The following MITF variants were observed in gnomAD, a reference collection of about 807,000 sequenced individuals.
MITF encodes the protein microphthalmia-associated transcription factor.
A neutral mutation model predicts 60.5 loss-of-function variants in MITF; 17 were observed. That is an observed-to-expected ratio of 0.28 (90% CI 0.19 to 0.42). MITF has a LOEUF of 0.42. Ranked by LOEUF, MITF falls within the 10% of genes least tolerant of loss-of-function variation. MITF has a pLI of 1.00. For synonymous variants in MITF, 260 were observed against 248.5 expected, an observed-to-expected ratio of 1.05 and a Z score of -0.43; for missense variants, 622 against 683.5, an observed-to-expected ratio of 0.91 and a Z score of 1.00.
chr3:69,849,030 T>C (rs2063780566), intron 1 of MITF, among the ~76,000 whole-genome samples: 1 of 140,358 alleles, frequency 7.1e-6, no homozygotes, highest in South Asian at 2.3e-4. Flanking sequence ...AGTGGCGGGA[T>C]CTCGGCTCAC....
rs193156309 is a variant in MITF at position 69,834,351 on chromosome 3, G to A, written c.105-44783G>A. Among the ~76,000 whole-genome samples the A allele has an allele frequency of 4.0e-3, 603 of 152,166 alleles. 3 individuals are homozygous for A. Among genetic ancestry groups the A allele is most frequent in the Non-Finnish European group, 7.4e-3 (505 of 67,980 alleles). On this transcript the variant is annotated intron_variant, in intron 1 of 9. Transcript: ENST00000352241. Reference sequence around the variant, plus strand: ...CCCTTCCTAGTTTCTGGTAACTACTGTTCTGTTTTCTACTTTTATGATGTC... The same window carrying A: ...CCCTTCCTAGTTTCTGGTAACTACTATTCTGTTTTCTACTTTTATGATGTC...
intron 2 of MITF, among the ~76,000 whole-genome samples, chr3:69,911,822 G>A (rs892419721): frequency 2.0e-5 from 3 of 152,184 alleles, no homozygotes; most frequent in African/African-American, 7.2e-5. Context: ...TTGCTAGTGA[G>A]AGCAAAGATG....
chr3:69,811,990 T>G (rs1575751123), intron 1 of MITF, among the ~76,000 whole-genome samples: 1 of 152,334 alleles, frequency 6.6e-6, no homozygotes, highest in East Asian at 1.9e-4. Context: ...CTGAAATTTC[T>G]TGCTGTTTCC....
At chr3:69,953,658 T>TAGAGAG (rs1250946181) in intron 7 of MITF, among the ~76,000 whole-genome samples, 3 of 137,630 alleles carry the variant, frequency 2.2e-5, no homozygotes, top group African/African-American at 7.9e-5. Flanking sequence ...TATATATATA[T>TAGAGAG]ATATAGAGAG....
At chr3:69,874,200 A>G (rs1490478989) in intron 1 of MITF, among the ~76,000 whole-genome samples, 1 of 152,228 alleles carries the variant, frequency 6.6e-6, no homozygotes, top group African/African-American at 2.4e-5. Flanking sequence ...CTGAATAAAA[A>G]TGCTACAATT....
chr3:69,926,395 G>C (rs918685008), intron 2 of MITF, among the ~76,000 whole-genome samples: 1 of 152,274 alleles, frequency 6.6e-6, no homozygotes, highest in South Asian at 2.1e-4. Context: ...CTGCCTAGGG[G>C]CTTTCTGACC....
At chr3:69,938,284 C>G (rs533179025) in intron 3 of MITF, 23 of 1,378,610 alleles carry the variant, frequency 1.7e-5, no homozygotes, top group Non-Finnish European at 2.2e-5. Context: ...AATGTGGAGG[C>G]GAGGACACTT....
chr3:69,938,483 C>A, intron 3 of MITF: 2 of 1,465,168 alleles, frequency 1.4e-6, no homozygotes, highest in South Asian at 2.9e-5. Flanking sequence ...ATTTTTATTT[C>A]TCCCTGAGTT....
At chr3:69,763,042 G>A (rs1474791314) in intron 1 of MITF, among the ~76,000 whole-genome samples, 1 of 152,112 alleles carries the variant, frequency 6.6e-6, no homozygotes, top group African/African-American at 2.4e-5. Context: ...AAAGGAAAAG[G>A]CTTTGATGTC....
intron 2 of MITF, among the ~76,000 whole-genome samples, chr3:69,885,096 G>T (rs556309291): frequency 6.6e-6 from 1 of 152,158 alleles, no homozygotes; most frequent in East Asian, 1.9e-4. Flanking sequence ...ATCTGGGTTT[G>T]ATTTCATCAG....
chr3:69,934,501 G>C (rs145357004), intron 2 of MITF, among the ~76,000 whole-genome samples: 2 of 152,300 alleles, frequency 1.3e-5, no homozygotes, highest in Admixed American at 6.5e-5. Context: ...TGCTAAGGCC[G>C]TTAGAAACAT....
chr3:69,753,124 T>G (rs758808739), intron 1 of MITF, among the ~76,000 whole-genome samples: 16 of 152,218 alleles, frequency 1.1e-4, no homozygotes, highest in Non-Finnish European at 7.4e-5. Flanking sequence ...TCTGCTGCCC[T>G]GCATAGCCTT....
intron 1 of MITF, among the ~76,000 whole-genome samples, chr3:69,836,530 A>G (rs1439068200): frequency 1.3e-5 from 2 of 152,222 alleles, no homozygotes; most frequent in African/African-American, 4.8e-5. Flanking sequence ...TAAATACTTG[A>G]ATGAACAAGA....
At chr3:69,766,262 C>T (rs1191040553) in intron 1 of MITF, among the ~76,000 whole-genome samples, 2 of 151,202 alleles carry the variant, frequency 1.3e-5, no homozygotes, top group African/African-American at 4.9e-5. Context: ...GTCTCTTTCA[C>T]CCAGCAGCAC....
At chr3:69,785,562 C>T (rs571832428) in intron 1 of MITF, among the ~76,000 whole-genome samples, 41 of 152,280 alleles carry the variant, frequency 2.7e-4, no homozygotes, top group Middle Eastern at 6.8e-3. Flanking sequence ...TTGTTACTGC[C>T]TTTTTTGCTT....
chr3:69,757,850 T>C lies in MITF; in HGVS notation c.104+18149T>C, dbSNP rs2062149295. Among the ~76,000 whole-genome samples, 5 of 151,588 alleles carry C rather than the reference T, an allele frequency of 3.3e-5. No individual in the cohort carries two copies. The South Asian group carries it at 8.3e-4, about 25-fold the overall frequency. Reference sequence around the variant, plus strand: ...TAAATATTTGTTGAGCTGAGGATAATGGGGAGCAGGAAGGGTCAAACTTGA... The same window carrying C: ...TAAATATTTGTTGAGCTGAGGATAACGGGGAGCAGGAAGGGTCAAACTTGA... On this transcript the variant is annotated intron_variant, in intron 1 of 9. Coordinates refer to ENST00000352241, the MANE Select transcript of MITF (RefSeq NM_001354604.2).
At chr3:69,912,468 A>G (rs2065245364) in intron 2 of MITF, among the ~76,000 whole-genome samples, 2 of 152,232 alleles carry the variant, frequency 1.3e-5, no homozygotes, top group Admixed American at 1.3e-4. Context: ...GCGCATCTCA[A>G]CCAAGGTGTT....
chr3:69,864,645 C>G (rs2064078942), intron 1 of MITF, among the ~76,000 whole-genome samples: 1 of 152,292 alleles, frequency 6.6e-6, no homozygotes, highest in East Asian at 1.9e-4. Flanking sequence ...CTTGCCATCT[C>G]TCTGTGGTTT....
intron 1 of MITF, among the ~76,000 whole-genome samples, chr3:69,840,943 A>T (rs948592706): frequency 6.6e-6 from 1 of 151,926 alleles, no homozygotes; most frequent in East Asian, 1.9e-4. Context: ...TTTAGTAGAG[A>T]TGGGGGTTCA....
Sources: gnomAD v4.1 joint callset for allele counts (sites outside exome capture counted in the v4.1 genomes callset) on GRCh38, gnomAD v4.1.1 for gene constraint, MANE v1.5 for transcripts, NCBI Gene and HGNC (gene_info 2026-07-23, HGNC 2026-07-21) for gene names.